Variants in DPP7 observed in about 807,000 individuals in gnomAD.
DPP7 encodes the protein dipeptidyl peptidase 2.
Under a neutral mutation model 58.8 loss-of-function variants are expected in DPP7, and 74 were observed. The observed-to-expected ratio is 1.26, with a 90% confidence interval of 1.04 to 1.53. DPP7 has a LOEUF of 1.53. DPP7 is among the 40% of genes most tolerant of loss of function. The pLI, the probability that DPP7 is intolerant of heterozygous loss-of-function variation, is 0.00. For synonymous variants in DPP7, 350 were observed against 303.6 expected (o/e 1.15, Z -1.59); for missense variants, 807 against 692.3 (o/e 1.17, Z -1.86).
intron 8 of DPP7, 148 bp from the exon 9 acceptor site, chr9:137,112,378 C>T: frequency 1.4e-6 from 1 of 699,300 alleles, no homozygotes. Flanking sequence ...CTCCAGGCTA[C>T]CTGCTTGGAG....
In DPP7 at chr9:137,114,634, C is replaced by T; in HGVS notation, c.67+13G>A. 13 of 1,391,710 alleles carry T rather than the reference C, an allele frequency of 9.3e-6. No individual in the cohort carries two copies. Among genetic ancestry groups the T allele is most frequent in the Non-Finnish European group, 1.2e-5 (13 of 1,072,826 alleles). The allele number at this position is 1,391,710 out of a possible 1,614,324, so 86.2% of individuals were successfully genotyped here. ...CGGGACCGGGGAATGGGCCGGGGGG[C>T]GCCGCCACTCACCCCCCGCCTGGAG... On this transcript the variant is annotated intron_variant, in intron 1 of 12. Coordinates refer to ENST00000371579, the MANE Select transcript of DPP7 (RefSeq NM_013379.3).
chr9:137,113,651 A>G (rs1445766235), intron 4 of DPP7, 155 bp from the exon 5 acceptor site: 3 of 1,428,112 alleles, frequency 2.1e-6, no homozygotes, highest in Non-Finnish European at 2.7e-6. Context: ...TCACTGGGAA[A>G]GGCCGCTAGT....
At chr9:137,114,787 C>T, upstream of DPP7, 1 of 1,129,080 alleles carries the variant, frequency 8.9e-7, no homozygotes, top group South Asian at 4.2e-5. Flanking sequence ...CTCCAGGCCC[C>T]ACGTGTTTCG....
chr9:137,112,158 G>A lies in DPP7; in HGVS notation c.1004C>T (p.Pro335Leu), dbSNP rs913590244. 17 of 1,609,794 alleles carry A rather than the reference G, an allele frequency of 1.1e-5. No individual in the cohort carries two copies. Among genetic ancestry groups the A allele is most frequent in the Non-Finnish European group, 1.4e-5 (16 of 1,179,734 alleles). The change falls in exon 9 of 13, where the codon CCC becomes CTC. Residue 335 changes from proline to leucine, a missense_variant. Physicochemically the swap from Pro to Leu is moderately conservative, Grantham distance 98. Around this residue, in one of 3 missense-constraint regions of DPP7, gnomAD observed 624 missense variants for 531.2 expected, o/e 1.17. Coordinates refer to ENST00000371579, the MANE Select transcript of DPP7 (RefSeq NM_013379.3). ...GTCGGGGCCGGTGCCGCAGCCAGTG[G>A]GGTCAGCACAGCTGTGGTAGAGCCG... ...IYRLYHSCAD[P>L]TGCGTGPDAR...
chr9:137,110,675 C>A lies in DPP7; in HGVS notation c.1452G>T (p.Leu484=). Residue 484 remains leucine, a synonymous_variant, in exon 13 of 13, where the codon CTG becomes CTT. Transcript: ENST00000371579. ...KAARREQQPA[L]RGGPRLSL ...AGAGGCTGAGTCTGGGCCCCCCACG[C>A]AGAGCTGGCTGCTGCTCACGCCTGG... is the stretch of plus-strand genomic sequence containing the variant. 1.2e-6 allele frequency: 2 copies of A among 1,609,958 alleles called. No homozygotes were observed. The highest frequency in any genetic ancestry group is 1.7e-6 in the Non-Finnish European group (2 of 1,179,956).
rs1831402902 is a variant in DPP7 at position 137,112,146 on chromosome 9, C to T, written c.1016G>A (p.Gly339Asp). Residue 339 changes from glycine to aspartate, a missense_variant, in exon 9 of 13, where the codon GGC becomes GAC. Around this residue, in one of 3 missense-constraint regions of DPP7, gnomAD observed 624 missense variants for 531.2 expected, o/e 1.17. Transcript: ENST00000371579. ...YHSCADPTGC[G>D]TGPDARAWDY... The stretch of plus-strand genomic sequence containing the variant: ...CCAGGCCCTGGCGTCGGGGCCGGTG[C>T]CGCAGCCAGTGGGGTCAGCACAGCT... The T allele has an allele frequency of 3.1e-6, 5 of 1,610,394 alleles. No homozygotes were observed. Among genetic ancestry groups the T allele is most frequent in the Non-Finnish European group, 3.4e-6 (4 of 1,179,706 alleles).
intron 12 of DPP7, 26 bp downstream of exon 12, chr9:137,110,854 C>A: frequency 6.2e-7 from 1 of 1,607,732 alleles, no homozygotes; most frequent in South Asian, 1.1e-5. Flanking sequence ...GACCCGCGAC[C>A]ACCGCCAGGC....
upstream of DPP7, among the ~76,000 whole-genome samples, chr9:137,116,885 C>G (rs1160135085): frequency 6.6e-6 from 1 of 152,226 alleles, no homozygotes; most frequent in African/African-American, 2.4e-5. Flanking sequence ...CTCTGCTACA[C>G]TGAGATGTTT....
At position 137,111,619 on chromosome 9, in the gene DPP7, C is replaced by T. The variant is rs1011937325; in HGVS notation, c.1272+71G>A. 92 of 1,551,946 alleles carry T rather than the reference C, an allele frequency of 5.9e-5. No homozygotes were observed. The Admixed American group carries it at 1.6e-3, about 27-fold the overall frequency. On this transcript the variant is annotated intron_variant, in intron 11 of 12. Coordinates refer to ENST00000371579, the MANE Select transcript of DPP7 (RefSeq NM_013379.3). ...CGCCACTGTATTCCAGCCTGGGCGC[C>T]AGAGAAAGACCCTGTCTCAAAAAAA...
At chr9:137,117,320 G>A (rs977243772), upstream of DPP7, among the ~76,000 whole-genome samples, 1 of 152,220 alleles carries the variant, frequency 6.6e-6, no homozygotes, top group Non-Finnish European at 1.5e-5. Context: ...CCTGTGCAGG[G>A]CACAGTAGGT....
upstream of DPP7, among the ~76,000 whole-genome samples, chr9:137,116,857 G>A (rs1033810715): frequency 3.8e-4 from 58 of 152,200 alleles, no homozygotes; most frequent in African/African-American, 1.2e-3. Flanking sequence ...ATATGCTGGC[G>A]GCAATGCTGC....
At chr9:137,116,054 C>A (rs1446362042), upstream of DPP7, among the ~76,000 whole-genome samples, 1 of 152,164 alleles carries the variant, frequency 6.6e-6, no homozygotes, top group African/African-American at 2.4e-5. Flanking sequence ...CGAGAGCTGG[C>A]CAGCTCCCCA....
At chr9:137,112,836 G>A (rs1482157626) in intron 7 of DPP7, 31 bp from the exon 8 acceptor site, 1 of 1,605,628 alleles carries the variant, frequency 6.2e-7, no homozygotes, top group African/African-American at 1.3e-5. Flanking sequence ...CGACTCAGCG[G>A]GGTCCCCTCC....
chr9:137,116,454 G>A (rs936980259), upstream of DPP7, among the ~76,000 whole-genome samples: 6 of 152,394 alleles, frequency 3.9e-5, no homozygotes, highest in South Asian at 6.2e-4. Flanking sequence ...TGTGCAGGAT[G>A]TGCTTTGTTA....
chr9:137,116,356 C>T (rs987564921), upstream of DPP7, among the ~76,000 whole-genome samples: 1 of 152,178 alleles, frequency 6.6e-6, no homozygotes, highest in Non-Finnish European at 1.5e-5. Flanking sequence ...GGCATCTAGG[C>T]CTGTGCTGGT....
intron 1 of DPP7, 30 bp downstream of exon 1, chr9:137,114,617 G>T: frequency 7.0e-7 from 1 of 1,431,534 alleles, no homozygotes; most frequent in Non-Finnish European, 9.2e-7. Context: ...GCCGGGACCG[G>T]GGAATGGGCC....
chr9:137,111,516 C>T (rs1169020746), intron 11 of DPP7, among the ~76,000 whole-genome samples, 174 bp downstream of exon 11: 2 of 152,134 alleles, frequency 1.3e-5, no homozygotes, highest in African/African-American at 2.4e-5. Flanking sequence ...ATTAGCTGGG[C>T]ATGTTGGTGA....
rs926050303 is a variant in DPP7 at position 137,110,724 on chromosome 9, A to G, written c.1403T>C (p.Ile468Thr). ...VVEARKLEAT[I>T]IGEWVKAARR... The stretch of plus-strand genomic sequence containing the variant: ...GGCTGCCTTTACCCACTCGCCGATG[A>G]TGGTGGCCTCCAGCTTCCGCGCCTC... Residue 468 changes from isoleucine to threonine, a missense_variant, in exon 13 of 13, where the codon ATC becomes ACC. Coordinates refer to ENST00000371579, the MANE Select transcript of DPP7 (RefSeq NM_013379.3). The G allele has an allele frequency of 7.8e-5, 126 of 1,607,514 alleles. No homozygotes were observed. The East Asian group carries it at 2.7e-3, about 34-fold the overall frequency.
intron 12 of DPP7, 48 bp from the exon 13 acceptor site, chr9:137,110,831 G>T: frequency 6.2e-7 from 1 of 1,602,340 alleles, no homozygotes; most frequent in Non-Finnish European, 8.5e-7. Context: ...CCCTCGGTGA[G>T]CCTGTCCCGC....
Sources: allele counts gnomAD v4.1 joint callset (sites outside exome capture counted in the v4.1 genomes callset), GRCh38; gene constraint gnomAD v4.1.1; regional missense constraint gnomAD v4.1.1; transcripts MANE v1.5; gene names NCBI Gene and HGNC (gene_info 2026-07-23, HGNC 2026-07-21).